Variants in SLC22A14 observed in about 807,000 individuals in gnomAD.
SLC22A14 encodes organic cation transporter-like 4.
In SLC22A14, 50 loss-of-function variants were observed where a neutral mutation model predicts 53.9. That is an observed-to-expected ratio of 0.93 (90% CI 0.74 to 1.17). The LOEUF is 1.17. Among genes scored for constraint, SLC22A14 ranks in the 50% most tolerant of loss-of-function variants. SLC22A14 has a pLI of 0.00. For missense variants in SLC22A14, 671 were observed against 734.7 expected (o/e 0.91, Z 1.00); for synonymous variants, 312 against 303.0 (o/e 1.03, Z -0.31).
rs188084698 is a variant in SLC22A14 at position 38,287,478 on chromosome 3, C to A, written c.-1+5139C>A. On this transcript the variant is annotated intron_variant, in intron 1 of 10. Coordinates refer to ENST00000448498, the MANE Select transcript of SLC22A14 (RefSeq NM_001320033.2). ...AATTTTTGTTTATGATATGATGAAT[C>A]TAATTTTAATTTATTTTTCCATTTA... Among the ~76,000 whole-genome samples the A allele has an allele frequency of 6.1e-3, 936 of 152,200 alleles. 10 individuals carry two copies. Among genetic ancestry groups the A allele is most frequent in the Non-Finnish European group, 8.5e-3 (576 of 68,012 alleles).
chr3:38,315,663 T>A lies in SLC22A14; in HGVS notation c.1484T>A (p.Val495Asp), dbSNP rs1420638796. The change falls in exon 9 of 11, where the codon GTC becomes GAC. Residue 495 changes from valine to aspartate, a missense_variant. Physicochemically the swap from Val to Asp is radical, Grantham distance 152. Coordinates refer to ENST00000448498, the MANE Select transcript of SLC22A14 (RefSeq NM_001320033.2). ...AGAGAGTTCAGCCTGGCCGCCACTG[T>A]CACTGTGTTCTTCCTCTACACCGCT... ...MLREFSLAAT[V>D]TVFFLYTAEL... is the part of the protein sequence containing the mutation. 6.2e-7 allele frequency: 1 copy of A among 1,613,934 alleles called. No homozygotes were observed. Among genetic ancestry groups the A allele is most frequent in the East Asian group, 2.2e-5 (1 of 44,878 alleles).
intron 10 of SLC22A14, among the ~76,000 whole-genome samples, chr3:38,316,905 C>T (rs1238547169): frequency 6.6e-6 from 1 of 152,228 alleles, no homozygotes; most frequent in African/African-American, 2.4e-5. Flanking sequence ...ATCTCTTTTC[C>T]TGTCTGAACT....
chr3:38,297,998 T>G (rs1214199497), intron 1 of SLC22A14, among the ~76,000 whole-genome samples: 1 of 152,216 alleles, frequency 6.6e-6, no homozygotes, highest in Admixed American at 6.5e-5. Context: ...TTTCTACACT[T>G]ATTACTGCGG....
At chr3:38,287,015 G>A (rs1703809229) in intron 1 of SLC22A14, among the ~76,000 whole-genome samples, 2 of 152,146 alleles carry the variant, frequency 1.3e-5, no homozygotes. Context: ...GGGATTACAG[G>A]TGTGACCCAC....
At chr3:38,298,735 T>C (rs1704096853) in intron 1 of SLC22A14, among the ~76,000 whole-genome samples, 1 of 152,162 alleles carries the variant, frequency 6.6e-6, no homozygotes, top group African/African-American at 2.4e-5. Context: ...TTGTATTTTT[T>C]AGTAGAGACA....
At chr3:38,300,242 C>G (rs1440986232) in intron 1 of SLC22A14, among the ~76,000 whole-genome samples, 1 of 152,116 alleles carries the variant, frequency 6.6e-6, no homozygotes, top group Non-Finnish European at 1.5e-5. Flanking sequence ...GAGTTCAAGA[C>G]CACCCTGGCC....
At chr3:38,302,851 T>C (rs1321849767) in intron 1 of SLC22A14, among the ~76,000 whole-genome samples, 2 of 152,268 alleles carry the variant, frequency 1.3e-5, no homozygotes, top group Non-Finnish European at 2.9e-5. Context: ...GTTTGCCTAT[T>C]CCCTGAAAAA....
At chr3:38,316,258 C>A in intron 9 of SLC22A14, 66 bp from the exon 10 acceptor site, 1 of 1,403,020 alleles carries the variant, frequency 7.1e-7, no homozygotes, top group Non-Finnish European at 1.0e-6. Flanking sequence ...TTTCATGTAG[C>A]TGCTGGCCCT....
At chr3:38,301,052 C>G (rs1360571038) in intron 1 of SLC22A14, among the ~76,000 whole-genome samples, 1 of 152,088 alleles carries the variant, frequency 6.6e-6, no homozygotes, top group Non-Finnish European at 1.5e-5. Flanking sequence ...CTCCTGGCCT[C>G]AGGCATTTCT....
chr3:38,318,182 C>T lies in SLC22A14; in HGVS notation c.1734-16C>T. The T allele has an allele frequency of 6.2e-7, 1 of 1,612,904 alleles. No homozygotes were observed. Among genetic ancestry groups the T allele is most frequent in the South Asian group, 1.1e-5 (1 of 91,058 alleles). On this transcript the variant is annotated splice_polypyrimidine_tract_variant and intron_variant, in intron 10 of 10. Transcript: ENST00000448498. ...AAAGATGTGGCCCTGGACTCATCCT[C>T]TGATGGCTCTTTCAGGAATAAGGTC...
rs541921586 is a variant in SLC22A14, at chr3:38,283,282, T to A, written c.-1+943T>A. Reference sequence around the variant, plus strand: ...ACTTCATCTGTAACTTTAACCCCCCTTGCCATGTAAGGAAACATATTTACG... The same window carrying A: ...ACTTCATCTGTAACTTTAACCCCCCATGCCATGTAAGGAAACATATTTACG... On this transcript the variant is annotated intron_variant, in intron 1 of 10. Coordinates refer to ENST00000448498, the MANE Select transcript of SLC22A14 (RefSeq NM_001320033.2). Among the ~76,000 whole-genome samples the A allele has an allele frequency of 1.1e-4, 17 of 152,242 alleles. No homozygotes were observed. In the South Asian group the frequency reaches 3.5e-3, roughly 32 times the overall value.
chr3:38,311,185 T>C (rs1409843359), intron 5 of SLC22A14, among the ~76,000 whole-genome samples: 1 of 152,204 alleles, frequency 6.6e-6, no homozygotes, highest in Non-Finnish European at 1.5e-5. Context: ...TGAACTGGAT[T>C]CCCAGCCTCT....
At chr3:38,300,164 G>A (rs1194578769) in intron 1 of SLC22A14, among the ~76,000 whole-genome samples, 3 of 152,218 alleles carry the variant, frequency 2.0e-5, no homozygotes, top group Admixed American at 1.3e-4. Flanking sequence ...CCAAGGCCAG[G>A]TGCAGTGGCT....
rs1406488848 is a variant in SLC22A14 at position 38,318,400 on chromosome 3, T to C, written c.*151T>C. The C allele has an allele frequency of 4.1e-6, 3 of 726,974 alleles. No homozygotes were observed. The highest frequency in any genetic ancestry group is 2.5e-5 in the East Asian group (1 of 40,162). 45.0% of individuals were successfully genotyped at this position (726,974 alleles called of 1,614,324 possible). Reference sequence around the variant, plus strand: ...GCCCCCAGACCATCTTGGGTTGGAATTGAGTGGCCAAGTATGGGGTCATGG... The same window carrying C: ...GCCCCCAGACCATCTTGGGTTGGAACTGAGTGGCCAAGTATGGGGTCATGG... On this transcript the variant is annotated 3_prime_UTR_variant, in exon 11 of 11. Coordinates refer to ENST00000448498, the MANE Select transcript of SLC22A14 (RefSeq NM_001320033.2).
chr3:38,316,431 TCTTAGCCATCGTGGC>T lies in SLC22A14; in HGVS notation c.1644_1658del (p.Leu548_Ala552del). On this transcript the variant is annotated inframe_deletion, in exon 10 of 11. Coordinates refer to ENST00000448498, the MANE Select transcript of SLC22A14 (RefSeq NM_001320033.2). ...CTCCTGCCCATCTTTCTCTGCTGCG[TCTTAGCCATCGTGGC>T]CTTTTCCCTCTCCTCCCTGCTGCCG... The T allele has an allele frequency of 6.2e-7, 1 of 1,614,142 alleles. No homozygotes were observed. Among genetic ancestry groups the T allele is most frequent in the East Asian group, 2.2e-5 (1 of 44,872 alleles).
At chr3:38,292,951 T>C (rs1703944926) in intron 1 of SLC22A14, among the ~76,000 whole-genome samples, 1 of 152,140 alleles carries the variant, frequency 6.6e-6, no homozygotes, top group South Asian at 2.1e-4. Flanking sequence ...TAGTGACAGA[T>C]CTGGAGGACA....
At chr3:38,305,999 G>T (rs777849078) in intron 1 of SLC22A14, 28 bp from the exon 2 acceptor site, 4 of 1,583,418 alleles carry the variant, frequency 2.5e-6, no homozygotes, top group Admixed American at 1.7e-5. Context: ...TGTCAGCAGA[G>T]ACTGAGCTGC....
Position 38,312,994 on chromosome 3 carries a change from C to T in SLC22A14, c.945-5C>T, listed in dbSNP as rs750123665. 3.8e-6 allele frequency: 6 copies of T among 1,576,028 alleles called. No homozygotes were observed. The highest frequency in any genetic ancestry group is 2.3e-5 in the South Asian group (2 of 85,894). ...GGTGAGATAAGAGAGGGGCTGGCCA[C>T]GCAGGATTCTCCCGGAGTCCCCGCG... On this transcript the variant is annotated splice_polypyrimidine_tract_variant and splice_region_variant and intron_variant, in intron 5 of 10. Transcript: ENST00000448498.
chr3:38,303,361 C>T (rs1333806881), intron 1 of SLC22A14, among the ~76,000 whole-genome samples: 1 of 152,066 alleles, frequency 6.6e-6, no homozygotes, highest in Non-Finnish European at 1.5e-5. Context: ...TGTTATAAAG[C>T]ACTTAAAGCT....
Sources: gnomAD v4.1 joint callset for allele counts (sites outside exome capture counted in the v4.1 genomes callset) on GRCh38, gnomAD v4.1.1 for gene constraint, MANE v1.5 for transcripts, NCBI Gene and HGNC (gene_info 2026-07-23, HGNC 2026-07-21) for gene names.